PCDHA1: variants seen among roughly 807,000 people sequenced by gnomAD.
PCDHA1 encodes the protein protocadherin alpha-1.
A neutral mutation model predicts 61.3 loss-of-function variants in PCDHA1; 42 were observed. The ratio of observed to expected loss-of-function variants is 0.69; its 90% CI spans 0.54 to 0.89. PCDHA1 has a LOEUF of 0.89. PCDHA1 is among the 40% of genes least tolerant of loss of function. PCDHA1 has a pLI of 0.00. For synonymous variants in PCDHA1, 610 were observed against 553.8 expected, an observed-to-expected ratio of 1.10 and a Z score of -1.43; for missense variants, 1,256 against 1,235.3, an observed-to-expected ratio of 1.02 and a Z score of -0.25.
At chr5:140,917,650 T>C (rs897307157) in intron 1 of PCDHA1, among the ~76,000 whole-genome samples, 1 of 152,226 alleles carries the variant, frequency 6.6e-6, no homozygotes. Context: ...CCAGCAATAT[T>C]GAGTAGGAAG....
At chr5:140,802,203 G>C (rs1554121948) in intron 1 of PCDHA1, 1 of 1,614,220 alleles carries the variant, frequency 6.2e-7, no homozygotes, top group Non-Finnish European at 8.5e-7. Context: ...TCACTGCACA[G>C]TTCTACTCGA....
At chr5:140,862,494 G>A (rs1008951764) in intron 1 of PCDHA1, 2 of 389,834 alleles carry the variant, frequency 5.1e-6, no homozygotes, top group South Asian at 2.0e-5. Context: ...GTAATCGCTC[G>A]GAATGGGGAC....
At chr5:140,860,167 A>G (rs924380316) in intron 1 of PCDHA1, 2 of 149,440 alleles carry the variant, frequency 1.3e-5, no homozygotes, top group Non-Finnish European at 3.0e-5. Flanking sequence ...ATATATATGT[A>G]TATATATATG....
At chr5:140,808,049 A>G in intron 1 of PCDHA1, 1 of 1,613,994 alleles carries the variant, frequency 6.2e-7, no homozygotes, top group African/African-American at 1.3e-5. Context: ...TATTTCGCCA[A>G]ATGTGAAATC....
chr5:140,968,330 G>A (rs1314697989), intron 1 of PCDHA1: 2 of 1,613,974 alleles, frequency 1.2e-6, no homozygotes, highest in East Asian at 2.2e-5. Context: ...CACCTCCTAT[G>A]TCTCCATTAA....
At chr5:140,977,911 A>T (rs2096780139) in intron 1 of PCDHA1, among the ~76,000 whole-genome samples, 1 of 152,002 alleles carries the variant, frequency 6.6e-6, no homozygotes, top group Non-Finnish European at 1.5e-5. Flanking sequence ...TTTATCCCCC[A>T]TTTTTTTCAT....
chr5:140,998,524 T>A (rs553357630), intron 3 of PCDHA1, among the ~76,000 whole-genome samples: 1 of 152,328 alleles, frequency 6.6e-6, no homozygotes, highest in East Asian at 1.9e-4. Flanking sequence ...TTATTCATAT[T>A]TATATCCCTA....
At chr5:140,822,008 T>G (rs2150112907) in intron 1 of PCDHA1, 2 of 1,614,166 alleles carry the variant, frequency 1.2e-6, no homozygotes, top group African/African-American at 2.7e-5. Context: ...GAGGTAAATC[T>G]GCAGAATGGC....
rs369053351 is a variant in PCDHA1, at chr5:140,982,539, C to A, written c.2518C>A (p.Pro840Thr). ...AGPGGPDQQW[P>T]TVSSATPEPE... The stretch of plus-strand genomic sequence containing the variant: ...TCCAGGAGGGCCTGATCAGCAGTGG[C>A]CAACAGTATCCAGTGCAACACCAGG... Residue 840 changes from proline (P) to threonine (T), a missense_variant, in exon 3 of 4, where the codon CCA (proline) becomes ACA (threonine). By Grantham distance (38) the Pro-to-Thr change is conservative. Coordinates refer to ENST00000504120, the MANE Select transcript of PCDHA1 (RefSeq NM_018900.4). 29 of 1,614,008 alleles carry A rather than the reference C, an allele frequency of 1.8e-5. No individual in the cohort carries two copies. The highest frequency in any genetic ancestry group is 2.2e-5 in the Non-Finnish European group (26 of 1,180,032).
At position 140,787,122 on chromosome 5, in the gene PCDHA1, G is replaced by A. The variant is rs782409216; in HGVS notation, c.832G>A (p.Val278Ile). The change falls in exon 1 of 4, where the codon GTC becomes ATC. Residue 278 changes from valine to isoleucine, a missense_variant. By Grantham distance (29) the Val-to-Ile change is conservative. Coordinates refer to ENST00000504120, the MANE Select transcript of PCDHA1 (RefSeq NM_018900.4). ...DADEGVNGEV[V>I]FSFDSGISRD... is the part of the protein sequence containing the mutation. ...TGACGAAGGTGTAAATGGTGAAGTCGTCTTTTCCTTTGACAGTGGTATTTC... is the reference window on the plus strand; with the variant it reads ...TGACGAAGGTGTAAATGGTGAAGTCATCTTTTCCTTTGACAGTGGTATTTC... The A allele has an allele frequency of 2.5e-6, 4 of 1,614,138 alleles. No homozygotes were observed. Among genetic ancestry groups the A allele is most frequent in the Non-Finnish European group, 3.4e-6 (4 of 1,180,004 alleles).
chr5:140,866,444 T>G (rs1399450824), intron 1 of PCDHA1: 1 of 152,130 alleles, frequency 6.6e-6, no homozygotes, highest in African/African-American at 2.4e-5. Context: ...TTCTTCAGTC[T>G]TATTGTTGGC....
chr5:140,841,373 C>T, intron 1 of PCDHA1: 1 of 1,613,502 alleles, frequency 6.2e-7, no homozygotes, highest in East Asian at 2.2e-5. Flanking sequence ...ACTACTCTTG[C>T]TTCTGCTCCT....
At chr5:140,988,519 T>C (rs187868159) in intron 3 of PCDHA1, among the ~76,000 whole-genome samples, 69 of 152,324 alleles carry the variant, frequency 4.5e-4, no homozygotes, top group African/African-American at 1.5e-3. Context: ...TACTTAAGTC[T>C]CTGCTGGCTC....
chr5:140,843,871 A>G, intron 1 of PCDHA1: 1 of 816,250 alleles, frequency 1.2e-6, no homozygotes, highest in East Asian at 2.7e-5. Context: ...GAATTTTCTC[A>G]GTGGCATAAT....
intron 1 of PCDHA1, among the ~76,000 whole-genome samples, chr5:140,846,800 G>A (rs1554141497): frequency 6.7e-6 from 1 of 149,352 alleles, no homozygotes; most frequent in African/African-American, 2.5e-5. Flanking sequence ...CCCAGCCCCT[G>A]GCTTTAAAAT....
chr5:140,834,240 C>T (rs1209689880), intron 1 of PCDHA1: 2 of 806,998 alleles, frequency 2.5e-6, no homozygotes, highest in Non-Finnish European at 3.9e-6. Flanking sequence ...CATTCCTTTT[C>T]GCACTGGAAA....
chr5:140,787,321 A>C lies in PCDHA1; in HGVS notation c.1031A>C (p.Asn344Thr). Residue 344 changes from asparagine to threonine, a missense_variant, in exon 1 of 4, where the codon AAT becomes ACT. Asn to Thr is a moderately conservative substitution (Grantham distance 65). Coordinates refer to ENST00000504120, the MANE Select transcript of PCDHA1 (RefSeq NM_018900.4). ...CKVLVKVLDV[N>T]DNAPELAVTS... ...GTTTTGGTGAAAGTGCTGGATGTAA[A>C]TGATAATGCTCCAGAACTGGCGGTC... 1 of 1,614,172 alleles carries C rather than the reference A, an allele frequency of 6.2e-7. No individual in the cohort carries two copies. Among genetic ancestry groups the C allele is most frequent in the Non-Finnish European group, 8.5e-7 (1 of 1,179,994 alleles).
intron 1 of PCDHA1, chr5:140,927,852 A>C: frequency 6.2e-7 from 1 of 1,614,218 alleles, no homozygotes; most frequent in Non-Finnish European, 8.5e-7. Flanking sequence ...TCTTTGGTTT[A>C]GCTAGCACCG....
At chr5:140,958,397 A>T (rs1306610051) in intron 1 of PCDHA1, among the ~76,000 whole-genome samples, 3 of 152,172 alleles carry the variant, frequency 2.0e-5, no homozygotes, top group African/African-American at 7.2e-5. Flanking sequence ...GTCATCAAAC[A>T]TTATCACTGA....
Sources: allele counts gnomAD v4.1 joint callset (sites outside exome capture counted in the v4.1 genomes callset), GRCh38; gene constraint gnomAD v4.1.1; transcripts MANE v1.5; gene names NCBI Gene and HGNC (gene_info 2026-07-23, HGNC 2026-07-21).